Variants in USP54 observed in about 807,000 individuals in gnomAD.
USP54 encodes the protein ubiquitin carboxyl-terminal hydrolase 54.
Under a neutral mutation model 170.5 loss-of-function variants are expected in USP54, and 87 were observed. The ratio of observed to expected loss-of-function variants is 0.51; its 90% CI spans 0.43 to 0.61. The LOEUF is 0.61. Ranked by LOEUF, USP54 falls within the 20% of genes least tolerant of loss-of-function variation. The pLI, the probability that USP54 is intolerant of heterozygous loss-of-function variation, is 0.00. For synonymous variants in USP54, 655 were observed against 742.8 expected (o/e 0.88, Z 1.92); for missense variants, 1,786 against 2,047.8 (o/e 0.87, Z 2.47).
chr10:73,605,773 T>A (rs914350686), intron 1 of USP54, among the ~76,000 whole-genome samples: 1 of 152,026 alleles, frequency 6.6e-6, no homozygotes, highest in Non-Finnish European at 1.5e-5. Flanking sequence ...ATATGAGGCA[T>A]GAAGAATAGT....
intron 4 of USP54, among the ~76,000 whole-genome samples, chr10:73,569,174 C>A (rs1328588875): frequency 6.6e-6 from 1 of 152,126 alleles, no homozygotes; most frequent in African/African-American, 2.4e-5. Context: ...TCCCCAAACA[C>A]GTTTTTTTGT....
intron 1 of USP54, among the ~76,000 whole-genome samples, chr10:73,604,323 T>C (rs778813756): frequency 4.3e-4 from 65 of 152,176 alleles, no homozygotes; most frequent in Non-Finnish European, 9.1e-4. Context: ...GGTATCCTTG[T>C]GCACATTGGT....
intron 4 of USP54, among the ~76,000 whole-genome samples, chr10:73,550,662 T>C (rs2069056480): frequency 6.6e-6 from 1 of 151,886 alleles, no homozygotes; most frequent in Non-Finnish European, 1.5e-5. Flanking sequence ...CATTATGTGA[T>C]GCAGGTAGAT....
intron 3 of USP54, among the ~76,000 whole-genome samples, chr10:73,573,160 T>C (rs1014817440): frequency 2.6e-5 from 4 of 151,870 alleles, no homozygotes; most frequent in Non-Finnish European, 4.4e-5. Flanking sequence ...TGTGGTAGCA[T>C]GTGTCTGTTG....
At chr10:73,505,832 T>C (rs548618440) in intron 20 of USP54, 530 of 153,182 alleles carry the variant, frequency 3.5e-3, no homozygotes, top group Admixed American at 6.5e-3. Context: ...ATCACGCCAC[T>C]GCACTCCAGC....
chr10:73,624,438 C>T (rs1300702816), intron 1 of USP54: 1 of 149,874 alleles, frequency 6.7e-6, no homozygotes, highest in East Asian at 2.0e-4. Context: ...GAACTCCTCA[C>T]CTCAAGCAGT....
intron 23 of USP54, among the ~76,000 whole-genome samples, chr10:73,500,148 A>G (rs1247436983): frequency 1.3e-5 from 2 of 152,188 alleles, no homozygotes; most frequent in African/African-American, 4.8e-5. Context: ...AAGAAAGCCA[A>G]AATGATATTG....
intron 9 of USP54, among the ~76,000 whole-genome samples, chr10:73,540,502 G>A (rs766222808): frequency 6.6e-6 from 1 of 150,906 alleles, no homozygotes; most frequent in Admixed American, 6.6e-5. Flanking sequence ...CCCAGGAAGC[G>A]GAGCTTGCAG....
chr10:73,517,846 CAG>C, intron 19 of USP54, 99 bp from the exon 20 acceptor site: 1 of 1,395,346 alleles, frequency 7.2e-7, no homozygotes, highest in Non-Finnish European at 9.7e-7. Context: ...GCTATTCACA[CAG>C]GGAATGGTAA....
chr10:73,578,457 G>C (rs1213481776), intron 1 of USP54, among the ~76,000 whole-genome samples: 1 of 152,142 alleles, frequency 6.6e-6, no homozygotes, highest in East Asian at 1.9e-4. Flanking sequence ...TGTCACCCAG[G>C]CTGGAGTGCA....
At chr10:73,577,495 G>A (rs577258034) in intron 1 of USP54, among the ~76,000 whole-genome samples, 35 of 151,706 alleles carry the variant, frequency 2.3e-4, no homozygotes, top group Admixed American at 9.8e-4. Flanking sequence ...GTTTTATATC[G>A]TATCCGTCAT....
At chr10:73,576,985 A>C (rs1275377441) in intron 1 of USP54, among the ~76,000 whole-genome samples, 1 of 152,202 alleles carries the variant, frequency 6.6e-6, no homozygotes, top group African/African-American at 2.4e-5. Flanking sequence ...CAAATCATTT[A>C]ATCTCCAGAT....
chr10:73,517,303 T>C lies in USP54; in HGVS notation c.3123A>G (p.Gly1041=), dbSNP rs752684234. The change falls in exon 20 of 24, where the codon GGA becomes GGG. Residue 1041 remains glycine, a synonymous_variant. Transcript: ENST00000687698. The part of the protein sequence containing the change: ...DPANPSPVMP[G]IATSERGDEH... ...CATCACCCCTCTCAGAGGTGGCTAT[T>C]CCAGGCATCACCGGGGAGGGGTTAG... 1 of 1,612,994 alleles carries C rather than the reference T, an allele frequency of 6.2e-7. No individual in the cohort carries two copies. Among genetic ancestry groups the C allele is most frequent in the East Asian group, 2.2e-5 (1 of 44,870 alleles).
intron 1 of USP54, among the ~76,000 whole-genome samples, chr10:73,622,449 G>C (rs563192881): frequency 6.6e-6 from 1 of 151,870 alleles, no homozygotes; most frequent in South Asian, 2.1e-4. Flanking sequence ...TCAGCCTCCC[G>C]AGTGGCTGGA....
intron 1 of USP54, among the ~76,000 whole-genome samples, chr10:73,600,871 G>A (rs766904682): frequency 2.8e-4 from 43 of 152,168 alleles, no homozygotes; most frequent in Non-Finnish European, 5.3e-4. Flanking sequence ...CCGGGATCGC[G>A]CCACTGCACT....
intron 15 of USP54, chr10:73,529,276 C>G: frequency 4.4e-6 from 1 of 229,142 alleles, no homozygotes; most frequent in Non-Finnish European, 8.9e-6. Context: ...CAGAGGGGAA[C>G]AACAGACACA....
At chr10:73,560,591 G>A (rs960526000) in intron 4 of USP54, among the ~76,000 whole-genome samples, 3 of 147,332 alleles carry the variant, frequency 2.0e-5, no homozygotes, top group East Asian at 2.0e-4. Context: ...GTGAACCCGG[G>A]AGGCAGAGCT....
intron 1 of USP54, among the ~76,000 whole-genome samples, chr10:73,612,624 C>T (rs570931885): frequency 8.6e-5 from 13 of 152,030 alleles, no homozygotes; most frequent in Admixed American, 2.0e-4. Flanking sequence ...GGCACATCAC[C>T]TGAGATCAGG....
intron 18 of USP54, 132 bp downstream of exon 18, chr10:73,520,776 G>A (rs766663014): frequency 1.6e-5 from 21 of 1,294,990 alleles, no homozygotes; most frequent in Non-Finnish European, 2.1e-5. Flanking sequence ...AACAGCTAAC[G>A]CGACTCAGTT....
Sources: allele counts gnomAD v4.1 joint callset (sites outside exome capture counted in the v4.1 genomes callset), GRCh38; gene constraint gnomAD v4.1.1; transcripts MANE v1.5; gene names NCBI Gene and HGNC (gene_info 2026-07-23, HGNC 2026-07-21).